The following RGS9 variants were observed in gnomAD, a reference collection of about 807,000 sequenced individuals.
RGS9 encodes regulator of G-protein signalling 9.
Under a neutral mutation model 102.0 loss-of-function variants are expected in RGS9, and 78 were observed. The ratio of observed to expected loss-of-function variants is 0.76; its 90% confidence interval spans 0.64 to 0.92. The LOEUF (loss-of-function observed/expected upper bound fraction) is 0.92. Ranked by LOEUF, RGS9 falls within the 40% of genes least tolerant of loss-of-function variation. The pLI, the probability that RGS9 is intolerant of heterozygous loss-of-function variation, is 0.00. For missense variants in RGS9, 833 were observed against 866.1 expected, an observed-to-expected ratio of 0.96 and a Z score of 0.48; for synonymous variants, 353 against 318.6, an observed-to-expected ratio of 1.11 and a Z score of -1.15.
chr17:65,223,835 A>G (rs1477843405), intron 17 of RGS9, among the ~76,000 whole-genome samples: 1 of 149,134 alleles, frequency 6.7e-6, no homozygotes, highest in Non-Finnish European at 1.5e-5. Context: ...ACTGCAATCT[A>G]TGCCTCCCGG....
rs540927646 is a variant in RGS9, at chr17:65,219,682, T to C, written c.1408-5320T>C. 3.1e-4 allele frequency among the ~76,000 whole-genome samples: 47 copies of C among 152,286 alleles called. No homozygotes were observed. The South Asian group carries it at 9.1e-3, about 30-fold the overall frequency. On this transcript the variant is annotated intron_variant, in intron 17 of 18. Coordinates refer to ENST00000262406, the MANE Select transcript of RGS9 (RefSeq NM_003835.4). Reference sequence around the variant, plus strand: ...GAAAAGGCTGCTTTCATTGTGAATATTAAGTAAAAATATAAGGGCCAGGGA... The same window carrying C: ...GAAAAGGCTGCTTTCATTGTGAATACTAAGTAAAAATATAAGGGCCAGGGA...
chr17:65,225,231 T>C lies in RGS9; in HGVS notation c.1637T>C (p.Met546Thr), dbSNP rs554468255. The change falls in exon 18 of 19, where the codon ATG becomes ACG. Residue 546 changes from methionine to threonine, a missense_variant. This residue lies in a region of RGS9 where 320 missense variants were observed against 276.8 expected (regional missense o/e 1.16). Coordinates refer to ENST00000262406, the MANE Select transcript of RGS9 (RefSeq NM_003835.4). ...LEQKGECSGS[M>T]APRGPSVTES... ...CAGAAAGGGGAGTGCAGCGGGTCCATGGCCCCCCGTGGGCCCTCTGTCACC... is the reference window on the plus strand; with the variant it reads ...CAGAAAGGGGAGTGCAGCGGGTCCACGGCCCCCCGTGGGCCCTCTGTCACC... The C allele has an allele frequency of 7.9e-5, 128 of 1,611,244 alleles. No individual in the cohort carries two copies. The South Asian group carries it at 1.3e-3, about 16-fold the overall frequency.
At chr17:65,164,675 G>A (rs1030783063) in intron 7 of RGS9, among the ~76,000 whole-genome samples, 2 of 152,180 alleles carry the variant, frequency 1.3e-5, no homozygotes, top group Non-Finnish European at 2.9e-5. Context: ...TGCCCTCCAG[G>A]GGGGAAAATA....
At position 65,164,898 on chromosome 17, in the gene RGS9, G is replaced by C. The variant is rs183067196; in HGVS notation, c.500+1809G>C. Among the ~76,000 whole-genome samples the C allele has an allele frequency of 2.8e-3, 422 of 152,260 alleles. 2 individuals are homozygous for C. The highest frequency in any genetic ancestry group is 9.6e-3 in the African/African-American group (397 of 41,550). ...GGAAATACTTACCATAGTAATTATT[G>C]TCACCCTTCATTTCTACAAATGGGG... On this transcript the variant is annotated intron_variant, in intron 7 of 18. Transcript: ENST00000262406.
In RGS9 at chr17:65,190,344, G is replaced by A; in HGVS notation, c.746+108G>A. On this transcript the variant is annotated intron_variant, in intron 11 of 18. Transcript: ENST00000262406. ...GGGCTGACAGACTGAAGATTCAGCA[G>A]AACTGTGAGGGACAAAACCAGTCTC... is the stretch of plus-strand genomic sequence containing the variant. The A allele has an allele frequency of 5.6e-6, 5 of 894,702 alleles. No homozygotes were observed. The South Asian group carries it at 6.5e-5, about 12-fold the overall frequency. The allele number at this position is 894,702 out of a possible 1,614,324, so 55.4% of individuals were successfully genotyped here.
intron 3 of RGS9, among the ~76,000 whole-genome samples, chr17:65,158,950 T>C (rs879554590): frequency 1.3e-5 from 2 of 152,174 alleles, no homozygotes; most frequent in Admixed American, 1.3e-4. Flanking sequence ...GGCCTGCACG[T>C]ATACATCCAG....
chr17:65,158,258 G>A (rs770442154), intron 2 of RGS9, 37 bp from the exon 3 acceptor site: 2 of 1,600,022 alleles, frequency 1.2e-6, no homozygotes, highest in East Asian at 2.2e-5. Flanking sequence ...GTGTCAGGAG[G>A]CTATGACAAT....
At chr17:65,204,341 C>T in intron 15 of RGS9, 40 bp downstream of exon 15, 1 of 1,609,420 alleles carries the variant, frequency 6.2e-7, no homozygotes, top group South Asian at 1.1e-5. Context: ...TCCAGATAGG[C>T]TTTCTGTCAC....
Position 65,210,496 on chromosome 17 carries a change from TC to T in RGS9, c.1301del (p.Pro434LeufsTer16), listed in dbSNP as rs747188416. ...PQETTKKSST[L>X]PFMRRHLRSS... ...TCTGTCCTTCCTTCCAGCTCCACCC[TC>T]CCTTTTATGCGGCGTCACCTGCGCT... On this transcript the variant is annotated frameshift_variant, in exon 17 of 19. Transcript: ENST00000262406. LOFTEE classifies it high-confidence loss of function. 1 of 1,613,224 alleles carries T rather than the reference TC, an allele frequency of 6.2e-7. No homozygotes were observed. The highest frequency in any genetic ancestry group is 1.1e-5 in the South Asian group (1 of 91,024).
In RGS9 at chr17:65,225,077, C is replaced by T. The variant is rs762864155; in HGVS notation, c.1483C>T (p.Pro495Ser). The change falls in exon 18 of 19, where the codon CCC (proline) becomes TCC (serine). Residue 495 changes from proline to serine, a missense_variant. Around this residue, in one of 3 missense-constraint regions of RGS9, gnomAD observed 320 missense variants for 276.8 expected, o/e 1.16. Transcript: ENST00000262406. ...GTCMPPSPSS[P>S]FSSSCRSPRK... ...CTGCATGCCCCCGTCTCCTTCTAGC[C>T]CCTTCTCCTCCTCCTGCCGCTCCCC... 2 of 1,614,014 alleles carry T rather than the reference C, an allele frequency of 1.2e-6. No individual in the cohort carries two copies. The highest frequency in any genetic ancestry group is 1.7e-6 in the Non-Finnish European group (2 of 1,180,020).
chr17:65,204,794 C>T (rs567563518), intron 15 of RGS9, among the ~76,000 whole-genome samples: 5 of 152,204 alleles, frequency 3.3e-5, no homozygotes, highest in African/African-American at 9.6e-5. Flanking sequence ...AGTCGCTGTG[C>T]GAAACACAGA....
intron 12 of RGS9, among the ~76,000 whole-genome samples, chr17:65,194,478 A>G (rs563604410): frequency 9.7e-4 from 148 of 152,336 alleles, no homozygotes; most frequent in African/African-American, 3.5e-3. Context: ...TTTGAAAATT[A>G]AAAAATCATA....
At position 65,160,855 on chromosome 17, in the gene RGS9, C is replaced by T. The variant is rs1293580274; in HGVS notation, c.369C>T (p.Ile123=). Residue 123 remains isoleucine (I), a synonymous_variant, in exon 6 of 19, where the codon ATC becomes ATT. Transcript: ENST00000262406. ...QWPAEDTDYA[I]YLAKRNIKKK... is the part of the protein sequence containing the mutation. ...TGTCATTGCTTTCTTTTCCAGCCAT[C>T]TATCTGGCCAAGCGAAATATCAAAA... 8.7e-6 allele frequency: 14 copies of T among 1,613,734 alleles called. No individual in the cohort carries two copies. The highest frequency in any genetic ancestry group is 1.2e-5 in the Non-Finnish European group (14 of 1,179,778).
At chr17:65,223,518 G>C (rs1362956014) in intron 17 of RGS9, among the ~76,000 whole-genome samples, 3 of 152,238 alleles carry the variant, frequency 2.0e-5, no homozygotes, top group African/African-American at 7.2e-5. Flanking sequence ...GCTGGGACCT[G>C]CCCATGCAGG....
At chr17:65,213,843 C>A (rs1046841168) in intron 17 of RGS9, among the ~76,000 whole-genome samples, 14 of 152,264 alleles carry the variant, frequency 9.2e-5, no homozygotes, top group African/African-American at 3.4e-4. Context: ...GATGAGCATT[C>A]TTTATTAAAT....
chr17:65,174,613 A>C (rs540594374), intron 8 of RGS9, among the ~76,000 whole-genome samples: 2 of 151,812 alleles, frequency 1.3e-5, no homozygotes, highest in Non-Finnish European at 2.9e-5. Flanking sequence ...AGGTTTGTGC[A>C]TGCATGTAAA....
At chr17:65,172,571 A>T (rs1188190921) in intron 8 of RGS9, among the ~76,000 whole-genome samples, 2 of 152,214 alleles carry the variant, frequency 1.3e-5, no homozygotes, top group Non-Finnish European at 2.9e-5. Flanking sequence ...AATAAAAAAA[A>T]TTAACATATA....
chr17:65,213,924 G>A (rs1913398002), intron 17 of RGS9, among the ~76,000 whole-genome samples: 1 of 152,116 alleles, frequency 6.6e-6, no homozygotes, highest in African/African-American at 2.4e-5. Context: ...TGGCTAAATG[G>A]CAGCATTTAT....
At chr17:65,215,550 T>G (rs908793266) in intron 17 of RGS9, among the ~76,000 whole-genome samples, 3 of 118,348 alleles carry the variant, frequency 2.5e-5, no homozygotes, top group African/African-American at 4.0e-5. Flanking sequence ...CTTTCTTTTT[T>G]TTTGTTTTGA....
Sources: allele counts gnomAD v4.1 joint callset (sites outside exome capture counted in the v4.1 genomes callset), GRCh38; gene constraint gnomAD v4.1.1; regional missense constraint gnomAD v4.1.1; transcripts MANE v1.5; gene names NCBI Gene and HGNC (gene_info 2026-07-23, HGNC 2026-07-21).